The following CTNNA3 variants were observed in gnomAD, a reference collection of about 807,000 sequenced individuals.
CTNNA3 encodes the protein catenin alpha-3.
A neutral mutation model predicts 95.7 loss-of-function variants in CTNNA3; 76 were observed. That is an observed-to-expected ratio of 0.79 (90% CI 0.66 to 0.96). CTNNA3 has a LOEUF of 0.96. CTNNA3 is among the 40% of genes least tolerant of loss of function. CTNNA3 has a pLI of 0.00. For synonymous variants in CTNNA3, 431 were observed against 374.4 expected, an observed-to-expected ratio of 1.15 and a Z score of -1.74; for missense variants, 1,191 against 1,089.8, an observed-to-expected ratio of 1.09 and a Z score of -1.31.
At chr10:66,515,702 T>C (rs1840826947) in intron 11 of CTNNA3, among the ~76,000 whole-genome samples, 1 of 152,072 alleles carries the variant, frequency 6.6e-6, no homozygotes, top group Non-Finnish European at 1.5e-5. Context: ...ACATCCTTTT[T>C]CACATCATGG....
rs192515149 is a variant in CTNNA3 at position 66,565,994 on chromosome 10, C to T, written c.1375-45221G>A. On this transcript the variant is annotated intron_variant, in intron 10 of 17. Transcript: ENST00000433211. The stretch of plus-strand genomic sequence containing the variant: ...GTTGAAAGAAATCCTGAGGTCAGGA[C>T]GAGTAGGTTGAAACCAGAACGCTAA... Among the ~76,000 whole-genome samples the T allele has an allele frequency of 7.2e-5, 11 of 152,202 alleles. No individual in the cohort carries two copies. The East Asian group carries it at 1.4e-3, about 19-fold the overall frequency.
intron 7 of CTNNA3, among the ~76,000 whole-genome samples, chr10:66,842,998 T>A (rs1228213778): frequency 6.6e-6 from 1 of 152,146 alleles, no homozygotes; most frequent in Admixed American, 6.5e-5. Flanking sequence ...TCACTTAGTG[T>A]ACAGGTACTT....
intron 5 of CTNNA3, among the ~76,000 whole-genome samples, chr10:67,261,648 C>T (rs1866612995): frequency 6.6e-6 from 1 of 152,134 alleles, no homozygotes; most frequent in Non-Finnish European, 1.5e-5. Context: ...ACGGATGTTC[C>T]CTGAATCAAA....
chr10:66,379,189 T>A lies in CTNNA3; in HGVS notation c.1695A>T (p.Glu565Asp). The A allele has an allele frequency of 6.2e-7, 1 of 1,614,136 alleles. No individual in the cohort carries two copies. Among genetic ancestry groups the A allele is most frequent in the South Asian group, 1.1e-5 (1 of 91,084 alleles). Residue 565 changes from glutamate to aspartate, a missense_variant, in exon 12 of 18, where the codon GAA (glutamate) becomes GAT (aspartate). Transcript: ENST00000433211. ...MDSYEPGAYT[E>D]GVMRNVNFLT... The stretch of plus-strand genomic sequence containing the variant: ...GGAAGTTAACATTTCTCATTACACC[T>A]TCCGTGTAAGCCCCTGGCTCGTAAC...
chr10:66,282,950 A>G (rs1281013083), intron 12 of CTNNA3, among the ~76,000 whole-genome samples: 1 of 151,924 alleles, frequency 6.6e-6, no homozygotes, highest in Non-Finnish European at 1.5e-5. Flanking sequence ...AGTAGGTACA[A>G]TGAAACATGT....
In CTNNA3 at chr10:67,145,122, T is replaced by C. The variant is rs1428803648; in HGVS notation, c.1047+35195A>G. Among the ~76,000 whole-genome samples the C allele has an allele frequency of 2.0e-5, 3 of 152,152 alleles. No homozygotes were observed. In the East Asian group the frequency reaches 5.8e-4, roughly 29 times the overall value. On this transcript the variant is annotated intron_variant, in intron 7 of 17. Coordinates refer to ENST00000433211, the MANE Select transcript of CTNNA3 (RefSeq NM_013266.4). ...GCAGTCAGAACACACACAACATTTA[T>C]CAATTAAGTTTACTGTCCCCCATGG...
At chr10:66,907,118 T>C (rs1846021258) in intron 7 of CTNNA3, among the ~76,000 whole-genome samples, 1 of 152,188 alleles carries the variant, frequency 6.6e-6, no homozygotes, top group Non-Finnish European at 1.5e-5. Context: ...AATGTATCTC[T>C]GTTCATTCTG....
chr10:67,252,006 T>C lies in CTNNA3; in HGVS notation c.580-32136A>G, dbSNP rs138239594. On this transcript the variant is annotated intron_variant, in intron 5 of 17. Transcript: ENST00000433211. ...AGGTGAATCACTTGAGGTCAGGTGTTTGAGACCAGCCTGGCCAACACGGTG... is the reference window on the plus strand; with the variant it reads ...AGGTGAATCACTTGAGGTCAGGTGTCTGAGACCAGCCTGGCCAACACGGTG... Among the ~76,000 whole-genome samples the C allele has an allele frequency of 2.6e-5, 4 of 152,120 alleles. No individual in the cohort carries two copies. In the East Asian group the frequency reaches 5.8e-4, roughly 22 times the overall value.
chr10:65,988,596 G>A, intron 16 of CTNNA3, 96 bp downstream of exon 16: 1 of 893,218 alleles, frequency 1.1e-6, no homozygotes, highest in Non-Finnish European at 1.8e-6. Context: ...AAAAATGGTT[G>A]AAGAGAGTAA....
chr10:67,235,903 T>C (rs1343299189), intron 5 of CTNNA3, among the ~76,000 whole-genome samples: 3 of 143,976 alleles, frequency 2.1e-5, no homozygotes, highest in Admixed American at 6.8e-5. Flanking sequence ...AAAAAACACA[T>C]GAAAAAATGC....
chr10:67,500,816 G>A (rs1839204733), intron 5 of CTNNA3, among the ~76,000 whole-genome samples: 1 of 152,128 alleles, frequency 6.6e-6, no homozygotes, highest in African/African-American at 2.4e-5. Context: ...GTGTGCCTCT[G>A]CACGTGCGAT....
intron 7 of CTNNA3, among the ~76,000 whole-genome samples, chr10:66,941,284 C>A (rs1847979479): frequency 6.6e-6 from 1 of 152,194 alleles, no homozygotes; most frequent in Non-Finnish European, 1.5e-5. Flanking sequence ...TGCCTGAACA[C>A]AATTTGACTC....
rs539731850 is a variant in CTNNA3 at position 66,779,419 on chromosome 10, C to A, written c.1048-3895G>T. ...TTGCCCAGGCTAGAGTGCAGTAGTG[C>A]CATCTCGGCTCACTGCAACCTATGC... On this transcript the variant is annotated intron_variant, in intron 7 of 17. Coordinates refer to ENST00000433211, the MANE Select transcript of CTNNA3 (RefSeq NM_013266.4). Among the ~76,000 whole-genome samples the A allele has an allele frequency of 7.2e-5, 11 of 152,178 alleles. No individual in the cohort carries two copies. In the East Asian group the frequency reaches 2.1e-3, roughly 29 times the overall value.
At chr10:67,054,092 G>C (rs1210454716) in intron 7 of CTNNA3, among the ~76,000 whole-genome samples, 1 of 152,050 alleles carries the variant, frequency 6.6e-6, no homozygotes, top group Non-Finnish European at 1.5e-5. Flanking sequence ...TCAAAAGTAA[G>C]CAGCTTAGTA....
chr10:66,512,000 CTCTA>C (rs1193990492), intron 11 of CTNNA3, among the ~76,000 whole-genome samples: 2 of 151,832 alleles, frequency 1.3e-5, no homozygotes, highest in Non-Finnish European at 2.9e-5. Flanking sequence ...ACATTGGTGT[CTCTA>C]TCTCTCTCTT....
At chr10:67,112,923 A>G (rs1858985327) in intron 7 of CTNNA3, among the ~76,000 whole-genome samples, 2 of 152,098 alleles carry the variant, frequency 1.3e-5, no homozygotes, top group African/African-American at 4.8e-5. Context: ...CTAGGTCTGG[A>G]AAAAAGATTC....
At chr10:66,111,307 C>T (rs2133778708) in intron 13 of CTNNA3, among the ~76,000 whole-genome samples, 1 of 152,290 alleles carries the variant, frequency 6.6e-6, no homozygotes, top group South Asian at 2.1e-4. Flanking sequence ...CCTGAGGCCC[C>T]TCCAGCCATG....
At chr10:67,316,332 T>C (rs1841049164) in intron 5 of CTNNA3, among the ~76,000 whole-genome samples, 2 of 152,200 alleles carry the variant, frequency 1.3e-5, no homozygotes, top group Non-Finnish European at 2.9e-5. Context: ...TTTTTCTGCG[T>C]TCTTATTTTT....
rs149569550 is a variant in CTNNA3 at position 67,288,978 on chromosome 10, CAGAT to C, written c.580-69112_580-69109del. Among the ~76,000 whole-genome samples, 648 of 152,194 alleles carry C rather than the reference CAGAT, an allele frequency of 4.3e-3. 7 individuals are homozygous for C. Among genetic ancestry groups the C allele is most frequent in the African/African-American group, 0.015 (612 of 41,518 alleles). On this transcript the variant is annotated intron_variant, in intron 5 of 17. Coordinates refer to ENST00000433211, the MANE Select transcript of CTNNA3 (RefSeq NM_013266.4). ...ATCCTGTCTCTAAATAAATAAATAA[CAGAT>C]AAATGATTTACAAATTTTTTATCAA...
Sources: gnomAD v4.1 joint callset for allele counts (sites outside exome capture counted in the v4.1 genomes callset) on GRCh38, gnomAD v4.1.1 for gene constraint, MANE v1.5 for transcripts, NCBI Gene and HGNC (gene_info 2026-07-23, HGNC 2026-07-21) for gene names.